The following EMSY variants were observed in gnomAD, a reference collection of about 807,000 sequenced individuals.
EMSY encodes the protein EMSY transcriptional repressor, BRCA2 interacting.
EMSY carries 26 observed loss-of-function variants against 134.6 expected under a neutral mutation model. The ratio of observed to expected loss-of-function variants is 0.19; its 90% CI spans 0.14 to 0.27. EMSY has a LOEUF of 0.27. EMSY is among the 10% of genes least tolerant of loss of function. The probability of loss-of-function intolerance (pLI) is 1.00; values close to 1 mark genes in which losing one functional copy is unlikely to be tolerated. For synonymous variants in EMSY, 579 were observed against 577.8 expected, an observed-to-expected ratio of 1.00 and a Z score of -0.03; for missense variants, 1,305 against 1,611.4, an observed-to-expected ratio of 0.81 and a Z score of 3.26.
At chr11:76,538,478 C>T (rs1951309230) in intron 16 of EMSY, among the ~76,000 whole-genome samples, 1 of 151,994 alleles carries the variant, frequency 6.6e-6, no homozygotes, top group African/African-American at 2.4e-5. Context: ...CCGGGCTTGT[C>T]TTGAATTCCT....
intron 8 of EMSY, among the ~76,000 whole-genome samples, chr11:76,495,350 A>T (rs1160189589): frequency 6.6e-6 from 1 of 152,230 alleles, no homozygotes; most frequent in South Asian, 2.1e-4. Context: ...AGCAGTGCTT[A>T]AAAAGTTAAT....
At chr11:76,491,352 G>GT (rs375596381) in intron 8 of EMSY, among the ~76,000 whole-genome samples, 93 of 151,606 alleles carry the variant, frequency 6.1e-4, no homozygotes, top group African/African-American at 2.2e-3. Context: ...GGCTTTTTTT[G>GT]TTTTTTGTTT....
intron 8 of EMSY, among the ~76,000 whole-genome samples, chr11:76,476,332 T>C (rs1362845315): frequency 6.6e-6 from 1 of 152,240 alleles, no homozygotes; most frequent in Non-Finnish European, 1.5e-5. Context: ...TTAATAGCTA[T>C]TGATAATCTT....
chr11:76,483,253 G>A (rs1949051421), intron 8 of EMSY, among the ~76,000 whole-genome samples: 1 of 152,158 alleles, frequency 6.6e-6, no homozygotes, highest in Admixed American at 6.5e-5. Context: ...CCTGAAGGAA[G>A]CACTAAACAT....
chr11:76,453,212 T>G, intron 3 of EMSY, 102 bp from the exon 4 acceptor site: 1 of 960,074 alleles, frequency 1.0e-6, no homozygotes, highest in Non-Finnish European at 1.6e-6. Flanking sequence ...AAAGCAATCT[T>G]GTCCCCCTTC....
intron 13 of EMSY, among the ~76,000 whole-genome samples, chr11:76,527,207 G>A (rs573538069): frequency 6.6e-6 from 1 of 152,098 alleles, no homozygotes; most frequent in Non-Finnish European, 1.5e-5. Flanking sequence ...ATCGAGGGAA[G>A]CACTATTAGT....
intron 12 of EMSY, among the ~76,000 whole-genome samples, chr11:76,524,147 A>G (rs751958285): frequency 8.5e-5 from 13 of 152,282 alleles, no homozygotes; most frequent in East Asian, 1.9e-4. Flanking sequence ...TTGTTTCTCC[A>G]TATTGTAGTT....
intron 11 of EMSY, among the ~76,000 whole-genome samples, chr11:76,520,784 A>G (rs1348580195): frequency 7.3e-6 from 1 of 137,416 alleles, no homozygotes; most frequent in African/African-American, 2.5e-5. Context: ...GTTTACACAA[A>G]CTTAGTGTAA....
intron 7 of EMSY, among the ~76,000 whole-genome samples, chr11:76,469,171 A>G (rs1565287894): frequency 1.3e-5 from 2 of 152,210 alleles, no homozygotes; most frequent in South Asian, 4.1e-4. Flanking sequence ...GTTAAAGCCT[A>G]CATGTATACT....
chr11:76,457,116 G>A (rs909759655), intron 4 of EMSY, among the ~76,000 whole-genome samples: 1 of 151,946 alleles, frequency 6.6e-6, no homozygotes. Context: ...CTTGACATAA[G>A]TGCTTAATGA....
chr11:76,546,556 C>G (rs1228981503), intron 20 of EMSY, among the ~76,000 whole-genome samples: 1 of 152,160 alleles, frequency 6.6e-6, no homozygotes, highest in African/African-American at 2.4e-5. Context: ...GCCCATGTGT[C>G]AGTTTGATTT....
chr11:76,470,393 A>G (rs969076104), intron 7 of EMSY, among the ~76,000 whole-genome samples: 32 of 152,184 alleles, frequency 2.1e-4, no homozygotes, highest in East Asian at 7.7e-4. Context: ...TAAAATGGGG[A>G]TAATAATAGT....
chr11:76,487,782 G>A (rs190814794), intron 8 of EMSY, among the ~76,000 whole-genome samples: 1 of 152,332 alleles, frequency 6.6e-6, no homozygotes, highest in Admixed American at 6.5e-5. Flanking sequence ...ACATCCCCGA[G>A]GTACCTCGTT....
chr11:76,466,921 A>C (rs1473421044), intron 7 of EMSY, among the ~76,000 whole-genome samples: 2 of 152,248 alleles, frequency 1.3e-5, no homozygotes, highest in African/African-American at 4.8e-5. Flanking sequence ...ATATTTAAAG[A>C]GCAACATAAG....
chr11:76,547,128 C>T, intron 20 of EMSY: 1 of 448,666 alleles, frequency 2.2e-6, no homozygotes. Context: ...TGACATTTGT[C>T]ATTCTTTGCT....
At chr11:76,544,490 C>T in exon 19 of EMSY, 1 of 1,614,074 alleles carries the variant, frequency 6.2e-7, no homozygotes, top group Non-Finnish European at 8.5e-7. Flanking sequence ...GCAGACCATC[C>T]ACCTGCAGGC....
At chr11:76,524,657 T>C (rs1396480847) in intron 12 of EMSY, among the ~76,000 whole-genome samples, 1 of 152,214 alleles carries the variant, frequency 6.6e-6, no homozygotes, top group Non-Finnish European at 1.5e-5. Context: ...GTATGATTCA[T>C]AGCTGTTAGA....
intron 9 of EMSY, 120 bp from the exon 11 acceptor site, chr11:76,513,263 TAAA>T: frequency 1.3e-6 from 1 of 753,706 alleles, no homozygotes; most frequent in Non-Finnish European, 1.9e-6. Flanking sequence ...TCATCAGTAT[TAAA>T]AAAAACTTCT....
chr11:76,547,704 A>C (rs527510295), intron 20 of EMSY, among the ~76,000 whole-genome samples: 1 of 152,240 alleles, frequency 6.6e-6, no homozygotes, highest in Non-Finnish European at 1.5e-5. Flanking sequence ...CAAAATTATC[A>C]TGCCTACTGG....
Sources: gnomAD v4.1 joint callset for allele counts (sites outside exome capture counted in the v4.1 genomes callset) on GRCh38, gnomAD v4.1.1 for gene constraint, MANE v1.5 for transcripts, NCBI Gene and HGNC (gene_info 2026-07-23, HGNC 2026-07-21) for gene names.